GPATCH8: variants seen among roughly 807,000 people sequenced by gnomAD.
The protein encoded by GPATCH8 is G patch domain-containing protein 8.
A neutral mutation model predicts 118.3 loss-of-function variants in GPATCH8; 18 were observed. The observed-to-expected ratio is 0.15, with a 90% CI of 0.11 to 0.23. The LOEUF is 0.23. Ranked by LOEUF, GPATCH8 falls within the 10% of genes least tolerant of loss-of-function variation. GPATCH8 has a pLI of 1.00. For synonymous variants in GPATCH8, 659 were observed against 684.7 expected (o/e 0.96, Z 0.59); for missense variants, 1,631 against 1,873.8 (o/e 0.87, Z 2.39).
chr17:44,475,386 GAA>G (rs1167619822), intron 1 of GPATCH8, among the ~76,000 whole-genome samples: 2 of 90,942 alleles, frequency 2.2e-5, no homozygotes, highest in Admixed American at 1.2e-4. Flanking sequence ...TCTCAAAAAA[GAA>G]AAAAAAAAAA....
chr17:44,429,694 A>ACACAAAAC (rs1195472951), intron 5 of GPATCH8, among the ~76,000 whole-genome samples: 2 of 149,322 alleles, frequency 1.3e-5, no homozygotes, highest in East Asian at 1.9e-4. Context: ...ACAAAACAAC[A>ACACAAAAC]AACAAACAAA....
intron 1 of GPATCH8, among the ~76,000 whole-genome samples, chr17:44,480,711 A>C (rs1044093822): frequency 1.3e-5 from 2 of 149,584 alleles, no homozygotes; most frequent in African/African-American, 4.9e-5. Context: ...CAAGGGCAAA[A>C]AAAAAAAAAA....
intron 3 of GPATCH8, chr17:44,446,027 A>G (rs753282628): frequency 6.6e-6 from 1 of 151,762 alleles, no homozygotes. Flanking sequence ...GTAACACTGA[A>G]CTCCTGGGCT....
In GPATCH8 at chr17:44,439,542, G is replaced by A. The variant is rs530564186; in HGVS notation, c.194-2997C>T. On this transcript the variant is annotated intron_variant, in intron 3 of 7. Coordinates refer to ENST00000591680, the MANE Select transcript of GPATCH8 (RefSeq NM_001002909.4). ...GTAGTAATTTCTTAACATTATTAAA[G>A]AGGCTATAGACCAAGGAAAGATCCC... Among the ~76,000 whole-genome samples, 11 of 152,162 alleles carry A rather than the reference G, an allele frequency of 7.2e-5. No homozygotes were observed. In the East Asian group the frequency reaches 1.2e-3, roughly 16 times the overall value.
chr17:44,407,818 G>A (rs2049290213), intron 6 of GPATCH8, among the ~76,000 whole-genome samples: 1 of 151,906 alleles, frequency 6.6e-6, no homozygotes, highest in African/African-American at 2.4e-5. Context: ...CCCTATGCTT[G>A]GCTAATTTTT....
At chr17:44,482,570 T>A in intron 1 of GPATCH8, among the ~76,000 whole-genome samples, 1 of 72,168 alleles carries the variant, frequency 1.4e-5, no homozygotes, top group Admixed American at 2.2e-4. Context: ...CCAGACTCCA[T>A]CTCAAAAAAA....
Position 44,398,571 on chromosome 17 carries a change from C to T in GPATCH8, c.3506G>A (p.Gly1169Glu), listed in dbSNP as rs2048871652. The change falls in exon 8 of 8, where the codon GGG becomes GAG. Residue 1169 changes from glycine (G) to glutamate (E), a missense_variant. This residue lies in a region of GPATCH8 where 922 missense variants were observed against 879.7 expected (regional missense o/e 1.05). Transcript: ENST00000591680. ...TGTCTCTGACTGTTCTTGCTCTTCCCCCCTTTCCAAGCCAGACTCTTCACA... is the reference window on the plus strand; with the variant it reads ...TGTCTCTGACTGTTCTTGCTCTTCCTCCCTTTCCAAGCCAGACTCTTCACA... The part of the protein sequence containing the change: ...KKCEESGLER[G>E]EEQEQSETEE... 7 of 1,568,742 alleles carry T rather than the reference C, an allele frequency of 4.5e-6. No homozygotes were observed. Among genetic ancestry groups the T allele is most frequent in the Non-Finnish European group, 6.0e-6 (7 of 1,162,090 alleles).
At chr17:44,423,765 G>A (rs576755292) in intron 6 of GPATCH8, among the ~76,000 whole-genome samples, 8 of 152,244 alleles carry the variant, frequency 5.3e-5, no homozygotes, top group Non-Finnish European at 8.8e-5. Context: ...ATGGGGTGGC[G>A]GCGGGGGAGG....
chr17:44,433,361 T>C (rs1447351279), intron 5 of GPATCH8, among the ~76,000 whole-genome samples: 2 of 152,254 alleles, frequency 1.3e-5, no homozygotes, highest in African/African-American at 4.8e-5. Flanking sequence ...TGAGTACTTA[T>C]GCACCACACA....
chr17:44,502,450 G>A (rs1031264912), intron 1 of GPATCH8, among the ~76,000 whole-genome samples: 6 of 151,374 alleles, frequency 4.0e-5, no homozygotes, highest in Admixed American at 6.6e-5. Flanking sequence ...AGATTTCCGC[G>A]GTAACAATTT....
At chr17:44,442,787 T>C (rs971380566) in intron 3 of GPATCH8, among the ~76,000 whole-genome samples, 1 of 152,062 alleles carries the variant, frequency 6.6e-6, no homozygotes, top group Non-Finnish European at 1.5e-5. Context: ...CAAAAGACAA[T>C]TAAAACTGGG....
In GPATCH8 at chr17:44,481,189, G is replaced by A. The variant is rs183475382; in HGVS notation, c.46-6286C>T. On this transcript the variant is annotated intron_variant, in intron 1 of 7. Transcript: ENST00000591680. ...CCCGAAGTGCTGGGATTACAGGCGTGAGCCCTCCTCTGATAAAATTTCAGA... is the reference window on the plus strand; with the variant it reads ...CCCGAAGTGCTGGGATTACAGGCGTAAGCCCTCCTCTGATAAAATTTCAGA... Among the ~76,000 whole-genome samples the A allele has an allele frequency of 1.2e-3, 178 of 152,272 alleles. 1 individual carries two copies. Among genetic ancestry groups the A allele is most frequent in the African/African-American group, 4.1e-3 (172 of 41,538 alleles).
At chr17:44,482,758 A>G (rs558227535) in intron 1 of GPATCH8, among the ~76,000 whole-genome samples, 2 of 152,160 alleles carry the variant, frequency 1.3e-5, no homozygotes, top group Admixed American at 6.5e-5. Flanking sequence ...TCCATATCAA[A>G]TAAGTCAATA....
chr17:44,439,897 C>A (rs1388312409), intron 3 of GPATCH8, among the ~76,000 whole-genome samples: 2 of 151,806 alleles, frequency 1.3e-5, no homozygotes. Context: ...GATTCTCCTG[C>A]CTCAGCCTCC....
chr17:44,484,849 CT>C (rs1968649840), intron 1 of GPATCH8, among the ~76,000 whole-genome samples: 1 of 152,088 alleles, frequency 6.6e-6, no homozygotes, highest in Non-Finnish European at 1.5e-5. Flanking sequence ...CTCTGTCTAA[CT>C]TTTATTATGT....
At chr17:44,426,716 C>G (rs1191553966) in intron 5 of GPATCH8, among the ~76,000 whole-genome samples, 1 of 150,808 alleles carries the variant, frequency 6.6e-6, no homozygotes, top group African/African-American at 2.4e-5. Context: ...GGTCCCAGAA[C>G]AATCAGTGAC....
chr17:44,399,779 A>C lies in GPATCH8; in HGVS notation c.2298T>G (p.Ser766Arg). The change falls in exon 8 of 8, where the codon AGT (serine) becomes AGG (arginine). Residue 766 changes from serine to arginine, a missense_variant. By Grantham distance (110) the Ser-to-Arg change is moderately radical. Coordinates refer to ENST00000591680, the MANE Select transcript of GPATCH8 (RefSeq NM_001002909.4). The part of the protein sequence containing the change: ...RRSLPAEEGS[S>R]GKKDEGGGGS... ...CACCCCCACCTTCATCCTTTTTGCC[A>C]CTGCTCCCCTCTTCAGCTGGGAGGG... 1 of 1,613,122 alleles carries C rather than the reference A, an allele frequency of 6.2e-7. No homozygotes were observed. The highest frequency in any genetic ancestry group is 8.5e-7 in the Non-Finnish European group (1 of 1,179,728).
intron 6 of GPATCH8, among the ~76,000 whole-genome samples, chr17:44,417,637 A>G (rs751580939): frequency 6.6e-6 from 1 of 152,176 alleles, no homozygotes; most frequent in Non-Finnish European, 1.5e-5. Context: ...CAGCTTTTCA[A>G]TGTGCCAGTT....
At chr17:44,435,483 C>T (rs368917146) in intron 4 of GPATCH8, among the ~76,000 whole-genome samples, 12 of 139,950 alleles carry the variant, frequency 8.6e-5, no homozygotes, top group Admixed American at 1.5e-4. Context: ...GCATGATCTC[C>T]GCTCACTGCA....
Sources: gnomAD v4.1 joint callset for allele counts (sites outside exome capture counted in the v4.1 genomes callset) on GRCh38, gnomAD v4.1.1 for gene constraint, gnomAD v4.1.1 regional missense constraint, MANE v1.5 for transcripts, NCBI Gene and HGNC (gene_info 2026-07-23, HGNC 2026-07-21) for gene names.